Variants in GAN observed in about 807,000 individuals in gnomAD.
GAN encodes the protein epididymis secretory sperm binding protein.
A neutral mutation model predicts 71.3 loss-of-function variants in GAN; 48 were observed. The ratio of observed to expected loss-of-function variants is 0.67; its 90% CI spans 0.53 to 0.86. The LOEUF is 0.86. GAN is among the 40% of genes least tolerant of loss of function. The pLI, the probability that GAN is intolerant of heterozygous loss-of-function variation, is 0.00. For missense variants in GAN, 928 were observed against 770.1 expected, an observed-to-expected ratio of 1.21 and a Z score of -2.43; for synonymous variants, 386 against 276.8, an observed-to-expected ratio of 1.39 and a Z score of -3.92.
At chr16:81,325,399 T>C (rs1166978819) in intron 1 of GAN, among the ~76,000 whole-genome samples, 2 of 152,072 alleles carry the variant, frequency 1.3e-5, no homozygotes, top group Non-Finnish European at 2.9e-5. Context: ...GAACAAAGGA[T>C]AAATGCAGGA....
chr16:81,357,508 G>C (rs1278786786), intron 4 of GAN, among the ~76,000 whole-genome samples: 1 of 152,146 alleles, frequency 6.6e-6, no homozygotes, highest in African/African-American at 2.4e-5. Flanking sequence ...GTCTATCAAT[G>C]TTGGACATTT....
intron 1 of GAN, among the ~76,000 whole-genome samples, chr16:81,332,752 A>G (rs1909625783): frequency 1.3e-5 from 2 of 152,104 alleles, no homozygotes; most frequent in South Asian, 4.1e-4. Flanking sequence ...CTAGTCAGTT[A>G]TTTTATAGAA....
At chr16:81,337,094 A>G (rs898202633) in intron 1 of GAN, among the ~76,000 whole-genome samples, 2 of 152,086 alleles carry the variant, frequency 1.3e-5, no homozygotes, top group African/African-American at 4.8e-5. Context: ...CTGAAGGTCT[A>G]TTTTTGATGT....
rs1904415828 is a variant in GAN, at chr16:81,386,816, C to T, written c.*9220C>T. 3.9e-5 allele frequency: 6 copies of T among 152,192 alleles called. No individual in the cohort carries two copies. Among genetic ancestry groups the T allele is most frequent in the Admixed American group, 3.9e-4 (6 of 15,270 alleles). The allele number at this position is 152,192 out of a possible 1,614,324, so 9.4% of individuals were successfully genotyped here. ...ACAAAATTAGCCGGGCATGGTGGCACATGTCTGTAATCCCAGCTACTCGGG... is the reference window on the plus strand; with the variant it reads ...ACAAAATTAGCCGGGCATGGTGGCATATGTCTGTAATCCCAGCTACTCGGG... On this transcript the variant is annotated 3_prime_UTR_variant, in exon 11 of 11. Transcript: ENST00000648994.
intron 5 of GAN, among the ~76,000 whole-genome samples, chr16:81,358,608 CAAAAAAAAAA>C (rs1363182534): frequency 2.5e-5 from 3 of 119,148 alleles, no homozygotes; most frequent in African/African-American, 3.2e-5. Flanking sequence ...GACCCTGTCT[CAAAAAAAAAA>C]GAAAAAAAAA....
chr16:81,377,977 G>A lies in GAN; in HGVS notation c.*381G>A, dbSNP rs886052340. ...TGCTGTATTCAAATACGTAGCTTTG[G>A]TAACAAACAAAATCCGTATATGCAA... On this transcript the variant is annotated 3_prime_UTR_variant, in exon 11 of 11. Coordinates refer to ENST00000648994, the MANE Select transcript of GAN (RefSeq NM_022041.4). 2.1e-5 allele frequency: 6 copies of A among 285,030 alleles called. No homozygotes were observed. Among genetic ancestry groups the A allele is most frequent in the Admixed American group, 4.6e-5 (1 of 21,510 alleles). The allele number at this position is 285,030 out of a possible 1,614,324, so 17.7% of individuals were successfully genotyped here. A position where few individuals can be genotyped will look rare whatever the true frequency, so the allele number is the denominator to read the frequency against.
intron 5 of GAN, 75 bp downstream of exon 5, chr16:81,358,006 C>T (rs1377031892): frequency 1.6e-6 from 2 of 1,249,734 alleles, no homozygotes; most frequent in Non-Finnish European, 2.4e-6. Context: ...CAGAATGACT[C>T]AGAGCCTTTT....
At chr16:81,322,334 A>G (rs559966519) in intron 1 of GAN, among the ~76,000 whole-genome samples, 3 of 152,230 alleles carry the variant, frequency 2.0e-5, no homozygotes, top group African/African-American at 7.2e-5. Context: ...CATGCAGAGG[A>G]GATAAGACAT....
At chr16:81,366,154 T>C (rs1262675798) in intron 9 of GAN, among the ~76,000 whole-genome samples, 1 of 152,186 alleles carries the variant, frequency 6.6e-6, no homozygotes, top group Non-Finnish European at 1.5e-5. Context: ...TTTTTATCCC[T>C]TCATCTATGA....
intron 9 of GAN, among the ~76,000 whole-genome samples, chr16:81,373,440 TA>T (rs1326268552): frequency 2.6e-5 from 4 of 152,172 alleles, no homozygotes; most frequent in African/African-American, 9.7e-5. Flanking sequence ...GAAAAAGAAA[TA>T]AAAAACTTTT....
intron 1 of GAN, among the ~76,000 whole-genome samples, chr16:81,321,715 C>T (rs189023331): frequency 1.8e-4 from 27 of 152,256 alleles, no homozygotes; most frequent in Non-Finnish European, 1.5e-5. Context: ...AGGGTTGCAT[C>T]ATCCTTCTGA....
At chr16:81,322,758 G>A (rs1268072125) in intron 1 of GAN, among the ~76,000 whole-genome samples, 1 of 152,114 alleles carries the variant, frequency 6.6e-6, no homozygotes, top group Non-Finnish European at 1.5e-5. Flanking sequence ...CTACACCTCT[G>A]AATAATAGTA....
In GAN at chr16:81,382,084, T is replaced by C. The variant is rs918350950; in HGVS notation, c.*4488T>C. On this transcript the variant is annotated 3_prime_UTR_variant, in exon 11 of 11. Coordinates refer to ENST00000648994, the MANE Select transcript of GAN (RefSeq NM_022041.4). ...TGCTTTTTATATGGGTGTCAAAATC[T>C]TTCCAGGACATACCCCTTTGATCCT... 1 of 152,182 alleles carries C rather than the reference T, an allele frequency of 6.6e-6. No individual in the cohort carries two copies. The highest frequency in any genetic ancestry group is 1.5e-5 in the Non-Finnish European group (1 of 68,052). The allele number at this position is 152,182 out of a possible 1,614,324, so 9.4% of individuals were successfully genotyped here.
intron 2 of GAN, 129 bp downstream of exon 2, chr16:81,351,826 C>G (rs1461250569): frequency 1.4e-6 from 1 of 716,662 alleles, no homozygotes; most frequent in Non-Finnish European, 2.6e-6. Context: ...TGTGCATTGA[C>G]TGACATTTCC....
intron 1 of GAN, among the ~76,000 whole-genome samples, chr16:81,346,389 G>T (rs1910119282): frequency 1.9e-5 from 1 of 53,164 alleles, no homozygotes; most frequent in African/African-American, 5.5e-5. Flanking sequence ...AAGGCCTTAG[G>T]ACTGGGCCAT....
chr16:81,343,468 C>G (rs528015618), intron 1 of GAN, among the ~76,000 whole-genome samples: 2 of 152,260 alleles, frequency 1.3e-5, no homozygotes, highest in East Asian at 3.9e-4. Context: ...TCAACATATG[C>G]AAATCAATAA....
At chr16:81,345,129 A>T (rs1040515900) in intron 1 of GAN, among the ~76,000 whole-genome samples, 1 of 152,234 alleles carries the variant, frequency 6.6e-6, no homozygotes, top group Non-Finnish European at 1.5e-5. Context: ...GTGGAAAAAT[A>T]GGAACACTTT....
At chr16:81,373,985 C>T (rs939197676) in intron 9 of GAN, among the ~76,000 whole-genome samples, 1 of 152,200 alleles carries the variant, frequency 6.6e-6, no homozygotes, top group Non-Finnish European at 1.5e-5. Context: ...TCGTGATCCA[C>T]CCGCCTGGGC....
chr16:81,370,137 C>T (rs1910992087), intron 9 of GAN, among the ~76,000 whole-genome samples: 1 of 152,174 alleles, frequency 6.6e-6, no homozygotes, highest in Non-Finnish European at 1.5e-5. Context: ...GCTGTATCAA[C>T]TAATATATAA....
Sources: allele counts gnomAD v4.1 joint callset (sites outside exome capture counted in the v4.1 genomes callset), GRCh38; gene constraint gnomAD v4.1.1; transcripts MANE v1.5; gene names NCBI Gene and HGNC (gene_info 2026-07-23, HGNC 2026-07-21).